Variants in SNTG1 observed in about 807,000 individuals in gnomAD.
SNTG1 encodes syntrophin gamma 1, also known as gamma-1-syntrophin.
In SNTG1, 39 loss-of-function variants were observed where a neutral mutation model predicts 74.7. The observed-to-expected ratio is 0.52, with a 90% CI of 0.40 to 0.68. SNTG1 has a LOEUF of 0.68. Ranked by LOEUF, SNTG1 falls within the 30% of genes least tolerant of loss-of-function variation. The probability of loss-of-function intolerance (pLI) is 0.00; values close to 1 mark genes in which losing one functional copy is unlikely to be tolerated. For missense variants in SNTG1, 685 were observed against 609.5 expected, an observed-to-expected ratio of 1.12 and a Z score of -1.30; for synonymous variants, 254 against 217.1, an observed-to-expected ratio of 1.17 and a Z score of -1.49.
At chr8:50,115,164 A>G (rs2080760103) in intron 1 of SNTG1, among the ~76,000 whole-genome samples, 2 of 152,082 alleles carry the variant, frequency 1.3e-5, no homozygotes, top group Admixed American at 6.6e-5. Flanking sequence ...TTAAAGTGCA[A>G]CCAGTCAGCT....
chr8:50,662,948 T>C (rs761804505), intron 15 of SNTG1, among the ~76,000 whole-genome samples: 4 of 152,200 alleles, frequency 2.6e-5, no homozygotes, highest in South Asian at 4.1e-4. Flanking sequence ...GTATTAAGGA[T>C]AAATACAACA....
At chr8:50,787,997 T>C (rs1174925986) in intron 18 of SNTG1, among the ~76,000 whole-genome samples, 1 of 152,056 alleles carries the variant, frequency 6.6e-6, no homozygotes, top group Non-Finnish European at 1.5e-5. Flanking sequence ...GTATGTGAAC[T>C]ATATCTCCCT....
At chr8:50,336,025 C>A (rs2091131026) in intron 2 of SNTG1, among the ~76,000 whole-genome samples, 1 of 151,990 alleles carries the variant, frequency 6.6e-6, no homozygotes, top group South Asian at 2.1e-4. Context: ...AATCCACCAT[C>A]TTTGATGTAC....
chr8:50,552,947 A>G, intron 11 of SNTG1, 103 bp from the exon 12 acceptor site: 1 of 1,384,704 alleles, frequency 7.2e-7, no homozygotes, highest in Admixed American at 2.3e-5. Context: ...GGAGGCTGAT[A>G]TTTATATTGT....
At chr8:50,247,139 G>T (rs2086437643) in intron 2 of SNTG1, among the ~76,000 whole-genome samples, 1 of 152,082 alleles carries the variant, frequency 6.6e-6, no homozygotes, top group Non-Finnish European at 1.5e-5. Context: ...TTTCCATTAG[G>T]GAACGAACAA....
chr8:50,249,999 G>A (rs1336250702), intron 2 of SNTG1, among the ~76,000 whole-genome samples: 1 of 151,456 alleles, frequency 6.6e-6, no homozygotes, highest in Admixed American at 6.6e-5. Flanking sequence ...TAAAATGCTT[G>A]AAAAAGAATT....
chr8:50,246,040 A>C (rs1477634965), intron 2 of SNTG1, among the ~76,000 whole-genome samples: 2 of 151,608 alleles, frequency 1.3e-5, no homozygotes, highest in African/African-American at 4.9e-5. Flanking sequence ...ATTAAAGAAA[A>C]ACAGTGGAAA....
At chr8:50,733,561 C>A (rs1375081589) in intron 17 of SNTG1, among the ~76,000 whole-genome samples, 2 of 151,832 alleles carry the variant, frequency 1.3e-5, no homozygotes, top group African/African-American at 4.8e-5. Context: ...GTGTATAACA[C>A]TCTCTTTTCT....
At chr8:50,720,789 A>G (rs577242133) in intron 17 of SNTG1, among the ~76,000 whole-genome samples, 1 of 152,356 alleles carries the variant, frequency 6.6e-6, no homozygotes, top group South Asian at 2.1e-4. Flanking sequence ...CCTTCAAAGC[A>G]TTATTGTTGT....
At chr8:50,229,473 GA>G (rs2085504488) in intron 2 of SNTG1, among the ~76,000 whole-genome samples, 1 of 151,040 alleles carries the variant, frequency 6.6e-6, no homozygotes, top group African/African-American at 2.4e-5. Flanking sequence ...AAATTTCAAG[GA>G]AAAAAACCCA....
intron 2 of SNTG1, among the ~76,000 whole-genome samples, chr8:50,192,864 A>G (rs2083624964): frequency 1.3e-5 from 2 of 152,112 alleles, no homozygotes; most frequent in African/African-American, 4.8e-5. Flanking sequence ...CTTCTCCTAC[A>G]TGTGGCCAGC....
intron 1 of SNTG1, among the ~76,000 whole-genome samples, chr8:50,153,758 C>A (rs1377060348): frequency 6.6e-6 from 1 of 152,202 alleles, no homozygotes; most frequent in Admixed American, 6.5e-5. Context: ...GATCGTTCCT[C>A]TGGAAGCTTC....
intron 2 of SNTG1, among the ~76,000 whole-genome samples, chr8:50,281,214 T>A (rs926540017): frequency 1.3e-5 from 2 of 152,174 alleles, no homozygotes; most frequent in Non-Finnish European, 1.5e-5. Context: ...AGAGTCTGTT[T>A]TGTCAGTCTT....
chr8:50,299,979 C>G (rs749833222), intron 2 of SNTG1, among the ~76,000 whole-genome samples: 17 of 152,128 alleles, frequency 1.1e-4, no homozygotes, highest in Admixed American at 2.0e-4. Flanking sequence ...TCATATAGAA[C>G]AGTTAGACCA....
intron 1 of SNTG1, among the ~76,000 whole-genome samples, chr8:49,931,666 A>G (rs1462232051): frequency 6.6e-6 from 1 of 152,200 alleles, no homozygotes; most frequent in Non-Finnish European, 1.5e-5. Flanking sequence ...AACAAAATCA[A>G]TATCGGTATG....
intron 13 of SNTG1, 142 bp from the exon 14 acceptor site, chr8:50,656,767 C>G: frequency 1.7e-6 from 1 of 574,562 alleles, no homozygotes. Flanking sequence ...TTGCATCAAT[C>G]AATTTGATAA....
chr8:50,525,510 G>A lies in SNTG1; in HGVS notation c.467-4667G>A, dbSNP rs370203285. On this transcript the variant is annotated intron_variant, in intron 9 of 18. Coordinates refer to ENST00000642720, the MANE Select transcript of SNTG1 (RefSeq NM_018967.5). ...TTCGGACTTCTATAAAGTGTCTATT[G>A]GTCTGCTTGATGGTGTCATATAAAT... is the stretch of plus-strand genomic sequence containing the variant. Among the ~76,000 whole-genome samples the A allele has an allele frequency of 1.3e-5, 2 of 151,964 alleles. 1 individual carries two copies. Among genetic ancestry groups the A allele is most frequent in the African/African-American group, 4.8e-5 (2 of 41,480 alleles).
intron 18 of SNTG1, among the ~76,000 whole-genome samples, chr8:50,757,839 A>T (rs2095585313): frequency 6.6e-6 from 1 of 151,914 alleles, no homozygotes; most frequent in East Asian, 1.9e-4. Flanking sequence ...CAACAGTTAT[A>T]TATTGTTTTA....
intron 2 of SNTG1, among the ~76,000 whole-genome samples, chr8:50,343,146 A>G (rs1282729485): frequency 6.6e-6 from 1 of 152,168 alleles, no homozygotes; most frequent in African/African-American, 2.4e-5. Context: ...TGTCGCTCAT[A>G]GGAATTGCAC....
Sources: gnomAD v4.1 joint callset for allele counts (sites outside exome capture counted in the v4.1 genomes callset) on GRCh38, gnomAD v4.1.1 for gene constraint, MANE v1.5 for transcripts, NCBI Gene and HGNC (gene_info 2026-07-23, HGNC 2026-07-21) for gene names.